The following KIF4A variants were observed in gnomAD, a reference collection of about 807,000 sequenced individuals.
KIF4A encodes kinesin family member 4A, also known as chromosome-associated kinesin KIF4A.
KIF4A carries 7 observed loss-of-function variants against 105.9 expected under a neutral mutation model. The observed-to-expected ratio is 0.07, with a 90% CI of 0.04 to 0.12. The LOEUF (loss-of-function observed/expected upper bound fraction) is 0.12. KIF4A is among the 10% of genes least tolerant of loss of function. The pLI, the probability that KIF4A is intolerant of heterozygous loss-of-function variation, is 1.00. For synonymous variants in KIF4A, 281 were observed against 331.3 expected, an observed-to-expected ratio of 0.85 and a Z score of 1.65; for missense variants, 558 against 929.2, an observed-to-expected ratio of 0.60 and a Z score of 5.19.
intron 15 of KIF4A, among the ~76,000 whole-genome samples, chrX:70,354,225 G>A (rs1296512513): frequency 8.9e-6 from 1 of 112,771 alleles, no homozygotes; most frequent in African/African-American, 3.2e-5. Flanking sequence ...ATAGTTCTAA[G>A]TGGCCTTTGC....
At chrX:70,408,930 A>C (rs1465777759) in intron 28 of KIF4A, among the ~76,000 whole-genome samples, 3 of 112,131 alleles carry the variant, frequency 2.7e-5, no homozygotes, top group Admixed American at 9.5e-5. Context: ...CAATGGCACG[A>C]TCTTGGCTCA....
chrX:70,393,747 G>T (rs1602799523), intron 20 of KIF4A, among the ~76,000 whole-genome samples: 1 of 98,983 alleles, frequency 1.0e-5, no homozygotes, highest in Admixed American at 1.1e-4. Context: ...TGTATTTAAT[G>T]TTAACGTATT....
chrX:70,379,173 GAAAAGAA>G (rs1212869544), intron 18 of KIF4A, among the ~76,000 whole-genome samples: 6 of 105,072 alleles, frequency 5.7e-5, no homozygotes, highest in East Asian at 3.0e-4. Context: ...AAAAAAAAAA[GAAAAGAA>G]AAAAGAAAAA....
chrX:70,299,880 A>G (rs1451802324), intron 5 of KIF4A, among the ~76,000 whole-genome samples: 3 of 112,188 alleles, frequency 2.7e-5, no homozygotes, highest in Non-Finnish European at 3.8e-5. Flanking sequence ...GTCAGATGGT[A>G]TAGATGCAAG....
chrX:70,327,041 C>T (rs750660531), intron 7 of KIF4A, among the ~76,000 whole-genome samples: 118 of 111,857 alleles, frequency 1.1e-3, no homozygotes, highest in African/African-American at 3.5e-3. Flanking sequence ...TGAAAAACCT[C>T]AGCAGTCTCT....
intron 18 of KIF4A, among the ~76,000 whole-genome samples, chrX:70,380,022 G>A (rs1322261516): frequency 9.0e-6 from 1 of 111,455 alleles, no homozygotes; most frequent in African/African-American, 3.3e-5. Context: ...AGGATGATAG[G>A]CTGGGCGTGG....
intron 15 of KIF4A, among the ~76,000 whole-genome samples, chrX:70,354,953 G>A (rs565319849): frequency 7.4e-4 from 83 of 112,015 alleles, no homozygotes; most frequent in South Asian, 4.5e-3. Flanking sequence ...GTCTTCCTGG[G>A]GTTGGGAGGA....
chrX:70,399,298 C>A (rs977303090), intron 22 of KIF4A, among the ~76,000 whole-genome samples: 1 of 111,692 alleles, frequency 9.0e-6, no homozygotes, highest in African/African-American at 3.3e-5. Context: ...GACTTGGTTA[C>A]TTGGCAGACA....
intron 15 of KIF4A, among the ~76,000 whole-genome samples, chrX:70,372,359 C>T: frequency 8.8e-6 from 1 of 113,200 alleles, no homozygotes; most frequent in East Asian, 2.8e-4. Flanking sequence ...CACCATTGAG[C>T]ACTGAGTGAA....
intron 15 of KIF4A, among the ~76,000 whole-genome samples, chrX:70,371,890 G>A (rs1949656032): frequency 9.5e-6 from 1 of 104,746 alleles, no homozygotes; most frequent in Non-Finnish European, 2.0e-5. Context: ...TCTCAGACGG[G>A]GCGGTTGCCA....
chrX:70,308,171 C>T (rs991306674), intron 7 of KIF4A, among the ~76,000 whole-genome samples: 22 of 112,227 alleles, frequency 2.0e-4, no homozygotes, highest in African/African-American at 7.1e-4. Context: ...CCCGTGGATA[C>T]CTCATTTCCC....
intron 7 of KIF4A, among the ~76,000 whole-genome samples, chrX:70,307,466 T>C (rs964158741): frequency 9.0e-6 from 1 of 111,620 alleles, no homozygotes; most frequent in Non-Finnish European, 1.9e-5. Context: ...TGCCTGCTTG[T>C]CCTGACTAGA....
intron 28 of KIF4A, 89 bp downstream of exon 28, chrX:70,407,164 G>A: frequency 9.9e-7 from 1 of 1,005,100 alleles, no homozygotes; most frequent in Non-Finnish European, 1.3e-6. Flanking sequence ...CTGGAGTACA[G>A]TGGTGCATTC....
chrX:70,350,705 G>T (rs1022261372), intron 13 of KIF4A, among the ~76,000 whole-genome samples: 9 of 111,347 alleles, frequency 8.1e-5, no homozygotes, highest in African/African-American at 2.9e-4. Context: ...GAGGGGAGAG[G>T]GGTCTCTTCA....
In KIF4A at chrX:70,404,720, G is replaced by A; in HGVS notation, c.2796G>A (p.Leu932=). The change falls in exon 25 of 31, where the codon CTG becomes CTA. Residue 932 remains leucine (L), a synonymous_variant. Coordinates refer to ENST00000374403, the MANE Select transcript of KIF4A (RefSeq NM_012310.5). ...RMEQQHQEKV[L]YLLSQLQQSQ... ...TGGATCGTGTCTTTCTCTAGGTGCT[G>A]TACCTTCTCAGCCAGCTGCAGCAAA... 2 of 1,202,418 alleles carry A rather than the reference G, an allele frequency of 1.7e-6. No individual in the cohort carries two copies.
At chrX:70,319,309 A>G (rs1194361482) in intron 7 of KIF4A, among the ~76,000 whole-genome samples, 1 of 111,969 alleles carries the variant, frequency 8.9e-6, no homozygotes, top group Non-Finnish European at 1.9e-5. Context: ...TCAAGATCTT[A>G]ACGATATTTT....
At chrX:70,313,344 A>G (rs1569231327) in intron 7 of KIF4A, among the ~76,000 whole-genome samples, 2 of 111,956 alleles carry the variant, frequency 1.8e-5, no homozygotes, top group Non-Finnish European at 3.8e-5. Flanking sequence ...GCTTGACTTC[A>G]TTAATTAATT....
chrX:70,407,838 C>T (rs1435020769), intron 28 of KIF4A, among the ~76,000 whole-genome samples: 1 of 112,099 alleles, frequency 8.9e-6, no homozygotes, highest in Non-Finnish European at 1.9e-5. Context: ...GAGGCCAAGG[C>T]GGGCAGATCA....
intron 15 of KIF4A, among the ~76,000 whole-genome samples, chrX:70,370,331 GA>G (rs1157814880): frequency 9.1e-6 from 1 of 110,067 alleles, no homozygotes; most frequent in African/African-American, 3.3e-5. Flanking sequence ...AGGGGGACTG[GA>G]ATTTTGGCAG....
Sources: gnomAD v4.1 joint callset for allele counts (sites outside exome capture counted in the v4.1 genomes callset) on GRCh38, gnomAD v4.1.1 for gene constraint, MANE v1.5 for transcripts, NCBI Gene and HGNC (gene_info 2026-07-23, HGNC 2026-07-21) for gene names.